L3MBTL4: variants seen among roughly 807,000 people sequenced by gnomAD.
The protein encoded by L3MBTL4 is lethal(3)malignant brain tumor-like protein 4.
In L3MBTL4, 70 loss-of-function variants were observed where a neutral mutation model predicts 84.5. That is an observed-to-expected ratio of 0.83 (90% CI 0.68 to 1.01). L3MBTL4 has a LOEUF of 1.01. L3MBTL4 is among the 50% of genes least tolerant of loss of function. The pLI is 0.00. For synonymous variants in L3MBTL4, 274 were observed against 259.8 expected (o/e 1.05, Z -0.52); for missense variants, 715 against 754.8 (o/e 0.95, Z 0.62).
chr18:6,368,891 A>C (rs1668862567), intron 1 of L3MBTL4, among the ~76,000 whole-genome samples: 1 of 151,888 alleles, frequency 6.6e-6, no homozygotes, highest in Non-Finnish European at 1.5e-5. Flanking sequence ...AAAATTCAAA[A>C]ATTAGTCGGG....
At chr18:6,295,748 G>A (rs2050084050) in intron 4 of L3MBTL4, among the ~76,000 whole-genome samples, 2 of 152,042 alleles carry the variant, frequency 1.3e-5, no homozygotes, top group South Asian at 4.2e-4. Context: ...GAGTGTCATG[G>A]CTCAGTGGAA....
At chr18:6,257,049 C>T (rs923491260) in intron 5 of L3MBTL4, among the ~76,000 whole-genome samples, 1 of 152,132 alleles carries the variant, frequency 6.6e-6, no homozygotes, top group Non-Finnish European at 1.5e-5. Flanking sequence ...TTAAGCAAGT[C>T]ATCTATATGC....
At chr18:6,182,791 T>C (rs1243987552) in intron 12 of L3MBTL4, among the ~76,000 whole-genome samples, 1 of 85,140 alleles carries the variant, frequency 1.2e-5, no homozygotes, top group Non-Finnish European at 2.0e-5. Flanking sequence ...AGTTATTGAA[T>C]AGGGGAGTCC....
intron 1 of L3MBTL4, among the ~76,000 whole-genome samples, chr18:6,349,249 C>A (rs987639857): frequency 2.0e-5 from 3 of 152,172 alleles, no homozygotes; most frequent in Non-Finnish European, 2.9e-5. Context: ...ATGTCCACAG[C>A]AGCATCATTC....
At chr18:6,165,019 A>T (rs1482362932) in intron 13 of L3MBTL4, among the ~76,000 whole-genome samples, 1 of 152,234 alleles carries the variant, frequency 6.6e-6, no homozygotes, top group African/African-American at 2.4e-5. Flanking sequence ...ATGGCACAAG[A>T]ACTACGTGAC....
intron 1 of L3MBTL4, among the ~76,000 whole-genome samples, chr18:6,316,058 T>A (rs1233651401): frequency 6.6e-6 from 1 of 151,884 alleles, no homozygotes; most frequent in Non-Finnish European, 1.5e-5. Flanking sequence ...GCCACTCCCC[T>A]GCCACCCCCA....
intron 14 of L3MBTL4, among the ~76,000 whole-genome samples, chr18:6,114,951 A>G (rs182248335): frequency 6.6e-6 from 1 of 152,262 alleles, no homozygotes; most frequent in East Asian, 1.9e-4. Context: ...AGCGGAGAGG[A>G]GAACACAGCG....
intron 16 of L3MBTL4, among the ~76,000 whole-genome samples, chr18:6,079,078 G>T (rs2057976588): frequency 6.6e-6 from 1 of 152,158 alleles, no homozygotes; most frequent in African/African-American, 2.4e-5. Context: ...ATAAAGCTTT[G>T]CTCCCTCGCC....
rs539427897 is a variant in L3MBTL4, at chr18:6,312,154, T to C, written c.-90-98A>G. The C allele has an allele frequency of 2.6e-5, 4 of 152,408 alleles. No individual in the cohort carries two copies. The South Asian group carries it at 6.2e-4, about 24-fold the overall frequency. The allele number at this position is 152,408 out of a possible 1,614,324, so 9.4% of individuals were successfully genotyped here. On this transcript the variant is annotated intron_variant, in intron 1 of 18. Transcript: ENST00000317931. ...GTGGTAGACATTCTTTGAAAAGTTA[T>C]TTGAAATGAGATTTTTTACAGGGCA... is the stretch of plus-strand genomic sequence containing the variant.
At chr18:5,971,958 TAC>T (rs2052661696) in intron 16 of L3MBTL4, among the ~76,000 whole-genome samples, 1 of 152,254 alleles carries the variant, frequency 6.6e-6, no homozygotes, top group Non-Finnish European at 1.5e-5. Flanking sequence ...GGCTTTTGAA[TAC>T]AGTTACCTGT....
chr18:6,075,572 A>G (rs2057829486), intron 16 of L3MBTL4, among the ~76,000 whole-genome samples: 1 of 152,184 alleles, frequency 6.6e-6, no homozygotes, highest in South Asian at 2.1e-4. Context: ...AAAAAAATAA[A>G]GATTCTAGAA....
chr18:6,134,810 G>A (rs2059983298), intron 14 of L3MBTL4, among the ~76,000 whole-genome samples: 1 of 152,174 alleles, frequency 6.6e-6, no homozygotes, highest in Non-Finnish European at 1.5e-5. Context: ...CTTTCCAGGT[G>A]CATGGTACAA....
rs2043927691 is a variant in L3MBTL4 at position 6,170,722 on chromosome 18, ATGTACAGGGG to A, written c.1096+1096_1096+1105del. On this transcript the variant is annotated intron_variant, in intron 13 of 18. Transcript: ENST00000317931. ...GAGAAAGTTACTGGCTGAGGCATGG[ATGTACAGGGG>A]TGTATTGGGGGGGGTTCACATAAAG... is the stretch of plus-strand genomic sequence containing the variant. Among the ~76,000 whole-genome samples the A allele has an allele frequency of 2.0e-5, 3 of 151,988 alleles. No homozygotes were observed. The South Asian group carries it at 6.2e-4, about 32-fold the overall frequency.
At chr18:6,049,033 TC>T (rs2056744904) in intron 16 of L3MBTL4, among the ~76,000 whole-genome samples, 2 of 152,108 alleles carry the variant, frequency 1.3e-5, no homozygotes, top group South Asian at 4.1e-4. Flanking sequence ...CACATGTAAT[TC>T]CAGCACTCAG....
intron 7 of L3MBTL4, 136 bp downstream of exon 7, chr18:6,243,158 T>C (rs2047520613): frequency 1.4e-6 from 1 of 695,922 alleles, no homozygotes; most frequent in Non-Finnish European, 2.2e-6. Context: ...GTCTTACTAC[T>C]CTTTATGGAA....
At chr18:6,409,308 T>A (rs148133903) in intron 1 of L3MBTL4, among the ~76,000 whole-genome samples, 1 of 152,290 alleles carries the variant, frequency 6.6e-6, no homozygotes, top group Non-Finnish European at 1.5e-5. Context: ...ATAACAATAA[T>A]AAGGACCAAA....
intron 14 of L3MBTL4, among the ~76,000 whole-genome samples, chr18:6,129,021 A>G (rs902579233): frequency 6.6e-6 from 1 of 152,130 alleles, no homozygotes; most frequent in African/African-American, 2.4e-5. Context: ...CAACCCAACA[A>G]GCAGGAGGAT....
At chr18:6,274,773 G>A (rs1170088466) in intron 4 of L3MBTL4, among the ~76,000 whole-genome samples, 2 of 152,122 alleles carry the variant, frequency 1.3e-5, no homozygotes, top group African/African-American at 2.4e-5. Context: ...AGATCATGGC[G>A]CACGCAGGCA....
At chr18:6,386,998 G>A (rs1028138457) in intron 1 of L3MBTL4, among the ~76,000 whole-genome samples, 1 of 152,172 alleles carries the variant, frequency 6.6e-6, no homozygotes, top group African/African-American at 2.4e-5. Flanking sequence ...GGGGGTAGAT[G>A]GCAGCATTAG....
Sources: allele counts gnomAD v4.1 joint callset (sites outside exome capture counted in the v4.1 genomes callset), GRCh38; gene constraint gnomAD v4.1.1; transcripts MANE v1.5; gene names NCBI Gene and HGNC (gene_info 2026-07-23, HGNC 2026-07-21).